Variants in LGSN observed in about 807,000 individuals in gnomAD.
The protein encoded by LGSN is lengsin, lens protein with glutamine synthetase domain.
Under a neutral mutation model 19.5 loss-of-function variants are expected in LGSN, and 21 were observed. The ratio of observed to expected loss-of-function variants is 1.07; its 90% CI spans 0.76 to 1.55. The LOEUF (loss-of-function observed/expected upper bound fraction) is 1.55. Among genes scored for constraint, LGSN ranks in the 40% most tolerant of loss-of-function variants. The pLI is 0.00. For missense variants in LGSN, 673 were observed against 608.5 expected, an observed-to-expected ratio of 1.11 and a Z score of -1.12; for synonymous variants, 257 against 215.6, an observed-to-expected ratio of 1.19 and a Z score of -1.68.
At chr6:63,513,936 A>AAAAC in the LGSN span, among the ~76,000 whole-genome samples, 6 of 150,440 alleles carry the variant, frequency 4.0e-5, no homozygotes, top group African/African-American at 1.5e-4. Context: ...AAAAAAAAAA[A>AAAAC]CACTGGAAAA....
chr6:63,352,669 T>A, the LGSN span, among the ~76,000 whole-genome samples: 17 of 150,560 alleles, frequency 1.1e-4, no homozygotes, highest in South Asian at 2.1e-4. Flanking sequence ...TCTCTCTCTC[T>A]CACACACACA....
the LGSN span, among the ~76,000 whole-genome samples, chr6:63,397,775 G>C: frequency 1.1e-3 from 169 of 152,026 alleles, no homozygotes; most frequent in African/African-American, 3.9e-3. Flanking sequence ...AAAATCAGCT[G>C]GATGTGGTGG....
At chr6:63,522,914 G>C in the LGSN span, among the ~76,000 whole-genome samples, 1 of 149,918 alleles carries the variant, frequency 6.7e-6, no homozygotes, top group Admixed American at 6.7e-5. Context: ...AACCAGGCTG[G>C]AGTGCAGCAG....
At chr6:63,382,417 A>G in the LGSN span, among the ~76,000 whole-genome samples, 1 of 152,076 alleles carries the variant, frequency 6.6e-6, no homozygotes, top group African/African-American at 2.4e-5. Flanking sequence ...ACTTCCAACC[A>G]CTTTAATATA....
At chr6:63,460,757 G>A in the LGSN span, among the ~76,000 whole-genome samples, 6 of 152,180 alleles carry the variant, frequency 3.9e-5, no homozygotes, top group East Asian at 5.8e-4. Flanking sequence ...CAGCATGCCC[G>A]GTGGAAAACT....
At chr6:63,307,905 G>A (rs1185570010) in intron 1 of LGSN, among the ~76,000 whole-genome samples, 1 of 152,212 alleles carries the variant, frequency 6.6e-6, no homozygotes, top group Non-Finnish European at 1.5e-5. Context: ...ATATCAAGCA[G>A]TCCGAGGATT....
At chr6:63,402,971 A>T in the LGSN span, among the ~76,000 whole-genome samples, 7 of 152,114 alleles carry the variant, frequency 4.6e-5, no homozygotes, top group South Asian at 8.3e-4. Flanking sequence ...AACATCAACT[A>T]TTTCCTGGCT....
At chr6:63,355,722 AG>A in the LGSN span, among the ~76,000 whole-genome samples, 1 of 152,156 alleles carries the variant, frequency 6.6e-6, no homozygotes, top group Non-Finnish European at 1.5e-5. Flanking sequence ...CTTGATGCAC[AG>A]GCTGTTGTGC....
At position 63,277,253 on chromosome 6, in the gene LGSN, T is replaced by C. The variant is rs552255368; in HGVS notation, c.*2768A>G. 6 of 152,342 alleles carry C rather than the reference T, an allele frequency of 3.9e-5. No individual in the cohort carries two copies. The highest frequency in any genetic ancestry group is 1.4e-4 in the African/African-American group (6 of 41,566). 9.4% of individuals were successfully genotyped at this position (152,342 alleles called of 1,614,324 possible). ...ACTCATTATGGTAAAATGAAGTCAA[T>C]GCATTAGACATGTTTCATTAAGGCC... On this transcript the variant is annotated 3_prime_UTR_variant, in exon 4 of 4. Transcript: ENST00000370657.
At chr6:63,329,668 C>T in the LGSN span, among the ~76,000 whole-genome samples, 449 of 152,272 alleles carry the variant, frequency 2.9e-3, 3 homozygotes, top group African/African-American at 0.01. Flanking sequence ...ATTCTCCTTC[C>T]AATGCCCAGA....
chr6:63,479,464 G>T, the LGSN span, among the ~76,000 whole-genome samples: 1 of 151,966 alleles, frequency 6.6e-6, no homozygotes, highest in Non-Finnish European at 1.5e-5. Flanking sequence ...CCAAGGCTGG[G>T]CTCAGTGGGT....
chr6:63,347,987 T>C, the LGSN span, among the ~76,000 whole-genome samples: 1 of 152,202 alleles, frequency 6.6e-6, no homozygotes, highest in African/African-American at 2.4e-5. Context: ...CTTCTAGCTC[T>C]TGAAAATTTT....
chr6:63,490,887 T>G, the LGSN span, among the ~76,000 whole-genome samples: 3 of 151,898 alleles, frequency 2.0e-5, no homozygotes, highest in African/African-American at 7.3e-5. Flanking sequence ...AGTTCAAGTA[T>G]GAAAAAGTGC....
chr6:63,531,157 G>A, the LGSN span, among the ~76,000 whole-genome samples: 2 of 152,120 alleles, frequency 1.3e-5, no homozygotes, highest in Non-Finnish European at 2.9e-5. Context: ...TCTTGAGTTG[G>A]TGTCCATCAA....
the LGSN span, chr6:63,441,208 C>CA: frequency 1.8e-5 from 5 of 272,422 alleles, no homozygotes; most frequent in East Asian, 9.8e-5. Context: ...AACTCCATCT[C>CA]AAAAAAATAA....
the LGSN span, among the ~76,000 whole-genome samples, chr6:63,480,940 GATATATATATATAT>G: frequency 0.024 from 1,418 of 59,828 alleles, 36 homozygotes; most frequent in Middle Eastern, 0.037. Context: ...TAAAGAAAAT[GATATATATATATAT>G]ATATATATAT....
chr6:63,373,743 C>T, the LGSN span, among the ~76,000 whole-genome samples: 4 of 152,146 alleles, frequency 2.6e-5, no homozygotes, highest in East Asian at 5.8e-4. Context: ...GAGGCCAAGG[C>T]GGGCTGATCA....
the LGSN span, among the ~76,000 whole-genome samples, chr6:63,373,660 T>C: frequency 1.3e-5 from 2 of 152,022 alleles, no homozygotes; most frequent in Non-Finnish European, 2.9e-5. Flanking sequence ...TGACGAGAAT[T>C]ATTTCTTTTG....
chr6:63,449,173 T>C, the LGSN span, among the ~76,000 whole-genome samples: 11 of 151,884 alleles, frequency 7.2e-5, no homozygotes, highest in African/African-American at 2.4e-5. Context: ...ACCTATAAAA[T>C]GACAGTTATG....
Sources: gnomAD v4.1 joint callset for allele counts (sites outside exome capture counted in the v4.1 genomes callset) on GRCh38, gnomAD v4.1.1 for gene constraint, MANE v1.5 for transcripts, NCBI Gene and HGNC (gene_info 2026-07-23, HGNC 2026-07-21) for gene names.